Variants in CTNNA3 observed in about 807,000 individuals in gnomAD.
CTNNA3 encodes catenin alpha-3.
Under a neutral mutation model 95.7 loss-of-function variants are expected in CTNNA3, and 76 were observed. The observed-to-expected ratio is 0.79, with a 90% CI of 0.66 to 0.96. The LOEUF (loss-of-function observed/expected upper bound fraction) is 0.96. Among genes scored for constraint, CTNNA3 ranks in the 40% least tolerant of loss-of-function variants. The pLI is 0.00. For synonymous variants in CTNNA3, 431 were observed against 374.4 expected (o/e 1.15, Z -1.74); for missense variants, 1,191 against 1,089.8 (o/e 1.09, Z -1.31).
chr10:67,239,388 A>G (rs572783583), intron 5 of CTNNA3, among the ~76,000 whole-genome samples: 55 of 151,928 alleles, frequency 3.6e-4, no homozygotes, highest in Non-Finnish European at 6.9e-4. Flanking sequence ...AAAGCAAGAC[A>G]TAAAAGAGTA....
At chr10:67,139,224 C>T (rs1416021838) in intron 7 of CTNNA3, among the ~76,000 whole-genome samples, 1 of 152,068 alleles carries the variant, frequency 6.6e-6, no homozygotes, top group Non-Finnish European at 1.5e-5. Context: ...CCTCCGCCTC[C>T]CAGGTTCAAG....
chr10:66,652,834 T>C (rs1400865180), intron 9 of CTNNA3, among the ~76,000 whole-genome samples: 1 of 152,100 alleles, frequency 6.6e-6, no homozygotes, highest in Admixed American at 6.5e-5. Flanking sequence ...TATGGTTGAA[T>C]ATAAGCTAAT....
At chr10:66,177,459 T>C (rs10822737) in intron 13 of CTNNA3, among the ~76,000 whole-genome samples, 23,122 of 151,772 alleles carry the variant, frequency 0.15, 2,199 homozygotes, top group Admixed American at 0.24. Context: ...GAGGGATCTA[T>C]TTTTTTCAGG....
chr10:66,998,894 G>GAGAACACACATTC (rs1328417091), intron 7 of CTNNA3, among the ~76,000 whole-genome samples: 1 of 152,072 alleles, frequency 6.6e-6, no homozygotes, highest in Non-Finnish European at 1.5e-5. Flanking sequence ...CCTACAATTA[G>GAGAACACACATTC]AGAACACACA....
At chr10:66,092,018 A>G (rs568440119) in intron 14 of CTNNA3, among the ~76,000 whole-genome samples, 2 of 152,012 alleles carry the variant, frequency 1.3e-5, no homozygotes, top group South Asian at 4.1e-4. Flanking sequence ...CACCATCTCC[A>G]GACTGCTCAA....
chr10:66,589,953 A>T (rs1032816957), intron 10 of CTNNA3, among the ~76,000 whole-genome samples: 1 of 152,034 alleles, frequency 6.6e-6, no homozygotes, highest in African/African-American at 2.4e-5. Flanking sequence ...AAAGTAGAAA[A>T]AAATAAATTA....
intron 5 of CTNNA3, among the ~76,000 whole-genome samples, chr10:67,343,428 C>A (rs1842293885): frequency 6.6e-6 from 1 of 152,032 alleles, no homozygotes; most frequent in Admixed American, 6.5e-5. Context: ...TCTTCTATTT[C>A]TTTCATGAGT....
chr10:66,472,434 T>A (rs1025565593), intron 11 of CTNNA3, among the ~76,000 whole-genome samples: 1 of 152,004 alleles, frequency 6.6e-6, no homozygotes, highest in African/African-American at 2.4e-5. Context: ...AGTAGATGCA[T>A]GAATGAGAAA....
chr10:66,018,003 C>T (rs909481481), intron 15 of CTNNA3, among the ~76,000 whole-genome samples: 15 of 151,976 alleles, frequency 9.9e-5, no homozygotes, highest in Non-Finnish European at 2.1e-4. Context: ...ATCTTTGCAT[C>T]ATCTTAATCC....
chr10:65,955,851 T>C (rs148558588), intron 17 of CTNNA3, among the ~76,000 whole-genome samples: 2,364 of 152,220 alleles, frequency 0.016, 70 homozygotes, highest in African/African-American at 0.054. Context: ...AAAATTCTCT[T>C]TTTTTGTTGT....
In CTNNA3 at chr10:65,919,280, C is replaced by T. The variant is rs2077046232; in HGVS notation, c.*1050G>A. 1 of 152,138 alleles carries T rather than the reference C, an allele frequency of 6.6e-6. No individual in the cohort carries two copies. The highest frequency in any genetic ancestry group is 2.1e-4 in the South Asian group (1 of 4,830). 9.4% of individuals were successfully genotyped at this position (152,138 alleles called of 1,614,324 possible). On this transcript the variant is annotated 3_prime_UTR_variant, in exon 18 of 18. Transcript: ENST00000433211. ...TGGAGTTGTAAAATGACCCCAGTGA[C>T]TTTTATTTAAAAGAACGTTATTAAA... is the stretch of plus-strand genomic sequence containing the variant.
intron 7 of CTNNA3, among the ~76,000 whole-genome samples, chr10:67,089,997 A>G (rs1857535768): frequency 6.6e-6 from 1 of 152,054 alleles, no homozygotes; most frequent in Non-Finnish European, 1.5e-5. Context: ...AAATAATCAA[A>G]CTACAGATTA....
chr10:66,829,339 G>A (rs778640007), intron 7 of CTNNA3, among the ~76,000 whole-genome samples: 2 of 152,080 alleles, frequency 1.3e-5, no homozygotes, highest in African/African-American at 2.4e-5. Flanking sequence ...GGCTGGGTGC[G>A]GTGGCTCATA....
intron 11 of CTNNA3, among the ~76,000 whole-genome samples, chr10:66,391,892 T>G (rs780702386): frequency 6.6e-6 from 1 of 151,890 alleles, no homozygotes; most frequent in African/African-American, 2.4e-5. Flanking sequence ...ATTTTTCAAT[T>G]AGAGTGCTAT....
At chr10:67,712,259 T>G (rs1427667988) in intron 1 of CTNNA3, among the ~76,000 whole-genome samples, 2 of 152,038 alleles carry the variant, frequency 1.3e-5, no homozygotes, top group Non-Finnish European at 2.9e-5. Flanking sequence ...GCTTGGAAAA[T>G]TTTCAGCCTG....
Position 66,914,004 on chromosome 10 carries a change from G to A in CTNNA3, c.1048-138480C>T, listed in dbSNP as rs114224049. ...AGGTGTACATCTTCCATGTAGGAGCGGTTGGCAGTCTTCTCTGGGTGTGTG... is the reference window on the plus strand; with the variant it reads ...AGGTGTACATCTTCCATGTAGGAGCAGTTGGCAGTCTTCTCTGGGTGTGTG... On this transcript the variant is annotated intron_variant, in intron 7 of 17. Coordinates refer to ENST00000433211, the MANE Select transcript of CTNNA3 (RefSeq NM_013266.4). Among the ~76,000 whole-genome samples, 914 of 152,208 alleles carry A rather than the reference G, an allele frequency of 6.0e-3. 10 individuals carry two copies. Among genetic ancestry groups the A allele is most frequent in the African/African-American group, 0.021 (872 of 41,530 alleles).
intron 6 of CTNNA3, among the ~76,000 whole-genome samples, chr10:67,216,832 T>C (rs1419148917): frequency 1.3e-5 from 2 of 152,322 alleles, no homozygotes; most frequent in East Asian, 3.9e-4. Context: ...AAAGCAATTT[T>C]TATTGGTGAA....
chr10:67,731,516 T>C (rs976528417), intron 1 of CTNNA3, among the ~76,000 whole-genome samples: 36 of 150,552 alleles, frequency 2.4e-4, no homozygotes, highest in Non-Finnish European at 4.6e-4. Context: ...GATATTTTGC[T>C]TTTAGGCCGG....
At chr10:67,172,808 T>C (rs1197124564) in intron 7 of CTNNA3, among the ~76,000 whole-genome samples, 1 of 152,100 alleles carries the variant, frequency 6.6e-6, no homozygotes, top group Non-Finnish European at 1.5e-5. Context: ...ACCCTGTCTC[T>C]ACTAAAAAAT....
Sources: gnomAD v4.1 joint callset for allele counts (sites outside exome capture counted in the v4.1 genomes callset) on GRCh38, gnomAD v4.1.1 for gene constraint, MANE v1.5 for transcripts, NCBI Gene and HGNC (gene_info 2026-07-23, HGNC 2026-07-21) for gene names.